Variants in SLC11A2 observed in about 807,000 individuals in gnomAD.
SLC11A2 encodes the protein solute carrier family 11 member 2, also known as natural resistance-associated macrophage protein 2.
SLC11A2 carries 38 observed loss-of-function variants against 68.0 expected under a neutral mutation model. That is an observed-to-expected ratio of 0.56 (90% CI 0.43 to 0.73). The LOEUF is 0.73. SLC11A2 is among the 30% of genes least tolerant of loss of function. The pLI is 0.00. For missense variants in SLC11A2, 517 were observed against 690.5 expected (o/e 0.75, Z 2.82); for synonymous variants, 242 against 250.6 (o/e 0.97, Z 0.32).
intron 1 of SLC11A2, among the ~76,000 whole-genome samples, chr12:51,022,406 T>G (rs973316010): frequency 8.4e-6 from 1 of 119,622 alleles, no homozygotes; most frequent in Non-Finnish European, 1.6e-5. Context: ...AAACCCAGTC[T>G]CCATTAAAAA....
downstream of SLC11A2, chr12:50,980,194 C>T (rs1487760543): frequency 3.1e-6 from 1 of 319,324 alleles, no homozygotes. Context: ...CCACTGCACT[C>T]CAGCCTGGGC....
chr12:50,961,093 G>A, the SLC11A2 span: 1 of 1,613,856 alleles, frequency 6.2e-7, no homozygotes, highest in Admixed American at 1.7e-5. Context: ...TGTTGGAGCT[G>A]TGACTCTAGG....
chr12:50,989,946 A>T lies in SLC11A2; in HGVS notation c.1575+849T>A, dbSNP rs12308794. ...CTTTTCAAAGAAACCTGTATAGAAC[A>T]GGGAAATGGATCTGTTGTTATTTTG... On this transcript the variant is annotated intron_variant, in intron 15 of 15. Coordinates refer to ENST00000262052, the MANE Select transcript of SLC11A2 (RefSeq NM_000617.3). 3.6e-3 allele frequency among the ~76,000 whole-genome samples: 554 copies of T among 152,300 alleles called. 6 individuals carry two copies. The highest frequency in any genetic ancestry group is 0.013 in the African/African-American group (527 of 41,548).
intron 1 of SLC11A2, among the ~76,000 whole-genome samples, chr12:51,018,952 C>CA (rs1415524850): frequency 6.6e-6 from 1 of 151,806 alleles, no homozygotes. Context: ...TTCTTTCCTC[C>CA]TTTTTTTTCA....
intron 2 of SLC11A2, among the ~76,000 whole-genome samples, chr12:51,009,472 T>C (rs570982305): frequency 6.6e-6 from 1 of 152,346 alleles, no homozygotes; most frequent in South Asian, 2.1e-4. Flanking sequence ...ATCACAAAGC[T>C]CTAATCTCTG....
intron 5 of SLC11A2, among the ~76,000 whole-genome samples, chr12:51,004,419 A>C (rs1942539226): frequency 6.6e-6 from 1 of 152,230 alleles, no homozygotes; most frequent in South Asian, 2.1e-4. Context: ...AGTCAAACAA[A>C]AAAAGAACAT....
chr12:51,003,388 A>C (rs1165694661), intron 5 of SLC11A2, among the ~76,000 whole-genome samples: 1 of 151,404 alleles, frequency 6.6e-6, no homozygotes, highest in Admixed American at 6.6e-5. Context: ...AAATACAAAA[A>C]TTAGCCAGAT....
In SLC11A2 at chr12:50,994,412, G is replaced by A. The variant is rs1285963751; in HGVS notation, c.1077+132C>T. ...ATTTAATCCAAAATGCTTGTCTGGT[G>A]TCTGGAACTCTGAAATAAATGACAC... On this transcript the variant is annotated intron_variant, in intron 11 of 15. Coordinates refer to ENST00000262052, the MANE Select transcript of SLC11A2 (RefSeq NM_000617.3). The A allele has an allele frequency of 5.6e-6, 4 of 710,258 alleles. No individual in the cohort carries two copies. The East Asian group carries it at 1.1e-4, about 19-fold the overall frequency. 44.0% of individuals were successfully genotyped at this position (710,258 alleles called of 1,614,324 possible). A position where few individuals can be genotyped will look rare whatever the true frequency, so the allele number is the denominator to read the frequency against.
At chr12:51,006,051 T>G (rs1273685092) in intron 3 of SLC11A2, 1 of 219,096 alleles carries the variant, frequency 4.6e-6, no homozygotes, top group Non-Finnish European at 9.2e-6. Context: ...CCCAGCACTT[T>G]GGGAGGCCAA....
chr12:50,968,520 G>A, the SLC11A2 span, among the ~76,000 whole-genome samples: 4 of 152,074 alleles, frequency 2.6e-5, no homozygotes, highest in African/African-American at 9.7e-5. Flanking sequence ...CCTAGCAGCT[G>A]GGACTACAGG....
chr12:50,986,925 A>T lies in SLC11A2; in HGVS notation c.*1400T>A, dbSNP rs1940630073. 1 of 1,287,116 alleles carries T rather than the reference A, an allele frequency of 7.8e-7. No homozygotes were observed. Among genetic ancestry groups the T allele is most frequent in the Non-Finnish European group, 1.0e-6 (1 of 988,700 alleles). 79.7% of individuals were successfully genotyped at this position (1,287,116 alleles called of 1,614,324 possible). ...GAACACCAATCAGCCAGGACTCTGG[A>T]AGGAAAGCTCCAAAAATGAGAAGTC... On this transcript the variant is annotated 3_prime_UTR_variant, in exon 16 of 16. Transcript: ENST00000262052.
chr12:50,989,105 A>C (rs1940889773), intron 15 of SLC11A2, among the ~76,000 whole-genome samples: 1 of 152,108 alleles, frequency 6.6e-6, no homozygotes, highest in Admixed American at 6.6e-5. Flanking sequence ...AGACTAATAC[A>C]ATTGGTGTAG....
chr12:50,999,284 TC>T (rs1942001578), intron 7 of SLC11A2, 43 bp from the exon 8 acceptor site: 2 of 1,608,370 alleles, frequency 1.2e-6, no homozygotes, highest in East Asian at 4.5e-5. Flanking sequence ...AAGGTAGACT[TC>T]CCCATCTGCC....
chr12:50,993,597 G>C (rs981795993), intron 11 of SLC11A2, among the ~76,000 whole-genome samples: 1 of 151,804 alleles, frequency 6.6e-6, no homozygotes, highest in South Asian at 2.1e-4. Context: ...AGGCCGAGGG[G>C]GGGGTGGATC....
intron 8 of SLC11A2, among the ~76,000 whole-genome samples, chr12:50,997,679 CAAAAAAAAAA>C (rs35477132): frequency 6.7e-5 from 3 of 44,974 alleles, no homozygotes; most frequent in African/African-American, 3.6e-4. Flanking sequence ...GACTCTGTCT[CAAAAAAAAAA>C]AAAAAAAAAA....
At position 51,004,915 on chromosome 12, in the gene SLC11A2, G is replaced by C; in HGVS notation, c.310-8C>G. 1.2e-6 allele frequency: 2 copies of C among 1,613,874 alleles called. No individual in the cohort carries two copies. The highest frequency in any genetic ancestry group is 1.7e-6 in the Non-Finnish European group (2 of 1,179,880). ...CAGAAGGATCCAGAGCAACTAAGAA[G>C]AACAAAATCTCCTGTAACACTCATT... is the stretch of plus-strand genomic sequence containing the variant. On this transcript the variant is annotated splice_region_variant and splice_polypyrimidine_tract_variant and intron_variant, in intron 4 of 15. Transcript: ENST00000262052.
At chr12:50,992,775 T>C in intron 12 of SLC11A2, 35 bp downstream of exon 12, 1 of 1,605,832 alleles carries the variant, frequency 6.2e-7, no homozygotes, top group Non-Finnish European at 8.5e-7. Flanking sequence ...ACAAAAGGGT[T>C]GTGTTATCTC....
downstream of SLC11A2, among the ~76,000 whole-genome samples, chr12:50,978,769 A>T (rs1032838188): frequency 1.6e-4 from 24 of 152,156 alleles, no homozygotes; most frequent in South Asian, 8.3e-4. Context: ...CAGATAACAT[A>T]ACAATACTTG....
chr12:51,020,988 G>A (rs1346772941), intron 1 of SLC11A2, among the ~76,000 whole-genome samples: 2 of 152,104 alleles, frequency 1.3e-5, no homozygotes, highest in African/African-American at 4.8e-5. Context: ...CTACTCAGGA[G>A]GCTAAGGTGG....
Sources: allele counts gnomAD v4.1 joint callset (sites outside exome capture counted in the v4.1 genomes callset), GRCh38; gene constraint gnomAD v4.1.1; transcripts MANE v1.5; gene names NCBI Gene and HGNC (gene_info 2026-07-23, HGNC 2026-07-21).